The following STK31 variants were observed in gnomAD, a reference collection of about 807,000 sequenced individuals.
STK31 encodes serine/threonine-protein kinase 31.
STK31 carries 89 observed loss-of-function variants against 129.7 expected under a neutral mutation model. That is an observed-to-expected ratio of 0.69 (90% CI 0.58 to 0.82). The LOEUF is 0.82. STK31 is among the 40% of genes least tolerant of loss of function. The pLI is 0.00. For synonymous variants in STK31, 448 were observed against 395.3 expected, an observed-to-expected ratio of 1.13 and a Z score of -1.58; for missense variants, 1,187 against 1,176.4, an observed-to-expected ratio of 1.01 and a Z score of -0.13.
intron 15 of STK31, among the ~76,000 whole-genome samples, chr7:23,780,070 G>T (rs944476261): frequency 6.6e-6 from 1 of 152,154 alleles, no homozygotes; most frequent in Non-Finnish European, 1.5e-5. Context: ...GTCCCTCATG[G>T]CTTCCCTTGG....
At chr7:23,824,804 T>C (rs182074829) in intron 23 of STK31, among the ~76,000 whole-genome samples, 3,738 of 151,440 alleles carry the variant, frequency 0.025, 87 homozygotes, top group African/African-American at 0.061. Flanking sequence ...GTCTTTAGCA[T>C]GAAGCGTTGT....
At chr7:23,727,369 T>C (rs886424877) in intron 5 of STK31, 54 bp downstream of exon 5, 15 of 1,540,444 alleles carry the variant, frequency 9.7e-6, no homozygotes, top group Middle Eastern at 1.7e-4. Flanking sequence ...TTATTGTGGT[T>C]CAAAAATTTG....
At chr7:23,745,948 G>A (rs1322416853) in intron 8 of STK31, among the ~76,000 whole-genome samples, 2 of 152,242 alleles carry the variant, frequency 1.3e-5, no homozygotes, top group African/African-American at 4.8e-5. Flanking sequence ...CCATCAAGAT[G>A]TATGGCTGTT....
At chr7:23,816,910 G>A (rs1179597336) in intron 23 of STK31, among the ~76,000 whole-genome samples, 1 of 152,156 alleles carries the variant, frequency 6.6e-6, no homozygotes, top group African/African-American at 2.4e-5. Flanking sequence ...ATCTGGCCAG[G>A]CATGGTGGCT....
chr7:23,798,668 G>C (rs1278643369), intron 22 of STK31, among the ~76,000 whole-genome samples: 1 of 152,162 alleles, frequency 6.6e-6, no homozygotes, highest in Non-Finnish European at 1.5e-5. Flanking sequence ...AAAACTGGAA[G>C]CATTCCCTTG....
chr7:23,745,529 A>G lies in STK31; in HGVS notation c.1018-7188A>G, dbSNP rs111325858. Among the ~76,000 whole-genome samples the G allele has an allele frequency of 6.0e-3, 917 of 152,316 alleles. 1 individual carries two copies. Among genetic ancestry groups the G allele is most frequent in the South Asian group, 0.024 (117 of 4,832 alleles). On this transcript the variant is annotated intron_variant, in intron 8 of 23. Transcript: ENST00000355870. ...GGCAGTTTGCAAGGGCAGCAGCTGC[A>G]GGTGGGAAAGTTTGTCCTTTGGGTG...
intron 22 of STK31, among the ~76,000 whole-genome samples, chr7:23,791,994 G>C (rs1236856383): frequency 2.6e-5 from 4 of 152,184 alleles, no homozygotes; most frequent in Admixed American, 2.6e-4. Flanking sequence ...TAGTATGCAT[G>C]TGCATGAAAT....
intron 8 of STK31, among the ~76,000 whole-genome samples, chr7:23,738,039 A>T (rs114780508): frequency 1.5e-3 from 221 of 152,322 alleles, no homozygotes; most frequent in African/African-American, 5.0e-3. Context: ...ACTCAGTTCC[A>T]TAAAGCTGCC....
chr7:23,806,935 A>C (rs1792752235), intron 22 of STK31, among the ~76,000 whole-genome samples: 1 of 149,706 alleles, frequency 6.7e-6, no homozygotes, highest in African/African-American at 2.5e-5. Flanking sequence ...GAGATACAGG[A>C]TGGACGGACT....
chr7:23,758,601 G>A (rs986388856), intron 10 of STK31, among the ~76,000 whole-genome samples: 5 of 152,010 alleles, frequency 3.3e-5, no homozygotes, highest in Admixed American at 2.0e-4. Context: ...TCTGATGTGG[G>A]TATTTAGTGC....
intron 12 of STK31, 73 bp from the exon 13 acceptor site, chr7:23,769,567 T>G (rs1790055288): frequency 1.9e-6 from 2 of 1,026,222 alleles, no homozygotes; most frequent in Admixed American, 1.8e-5. Context: ...AATACTCTGC[T>G]TCAGGTATTA....
chr7:23,769,852 T>G (rs1307190468), intron 13 of STK31, 96 bp downstream of exon 13: 4 of 772,924 alleles, frequency 5.2e-6, no homozygotes, highest in Non-Finnish European at 8.3e-6. Context: ...TTTTTCTTGC[T>G]AGTTAGAAAG....
chr7:23,785,609 T>C lies in STK31; in HGVS notation c.2274+6T>C, dbSNP rs1791225288. 1 of 1,608,324 alleles carries C rather than the reference T, an allele frequency of 6.2e-7. No homozygotes were observed. The highest frequency in any genetic ancestry group is 8.5e-7 in the Non-Finnish European group (1 of 1,176,044). On this transcript the variant is annotated splice_donor_region_variant and intron_variant, in intron 18 of 23. Coordinates refer to ENST00000355870, the MANE Select transcript of STK31 (RefSeq NM_031414.5). ...GGCAGATAATTCTGTTAAAGGTAAGTCTAACTTCTTCTTACTTGTGGGAGA... is the reference window on the plus strand; with the variant it reads ...GGCAGATAATTCTGTTAAAGGTAAGCCTAACTTCTTCTTACTTGTGGGAGA...
intron 8 of STK31, among the ~76,000 whole-genome samples, chr7:23,750,598 A>G (rs1375305715): frequency 6.6e-6 from 1 of 152,198 alleles, no homozygotes; most frequent in Non-Finnish European, 1.5e-5. Context: ...TTTACAAACC[A>G]CAAATTTTGA....
chr7:23,757,317 C>T (rs1371105697), intron 10 of STK31, among the ~76,000 whole-genome samples: 1 of 152,004 alleles, frequency 6.6e-6, no homozygotes, highest in African/African-American at 2.4e-5. Context: ...GAAAAGTGGG[C>T]CCAAGGGACC....
At chr7:23,717,680 A>C in intron 4 of STK31, 101 bp downstream of exon 4, 2 of 910,442 alleles carry the variant, frequency 2.2e-6, no homozygotes, top group Non-Finnish European at 3.3e-6. Context: ...TGAAAAGAAG[A>C]GGCTGATTTT....
At chr7:23,787,611 G>A (rs1039181357) in intron 20 of STK31, among the ~76,000 whole-genome samples, 2 of 152,078 alleles carry the variant, frequency 1.3e-5, no homozygotes, top group Non-Finnish European at 2.9e-5. Flanking sequence ...GATCTAGGTT[G>A]CGCACTCCTT....
chr7:23,794,021 G>T (rs141949023), intron 22 of STK31, among the ~76,000 whole-genome samples: 196 of 152,324 alleles, frequency 1.3e-3, no homozygotes, highest in South Asian at 9.3e-3. Flanking sequence ...TGCTATGTAT[G>T]TGTCTATCCA....
chr7:23,710,191 G>C, upstream of STK31: 1 of 1,600,702 alleles, frequency 6.2e-7, no homozygotes, highest in Non-Finnish European at 8.5e-7. Flanking sequence ...GCGCAGCGCT[G>C]TGCACGCAGG....
Sources: allele counts gnomAD v4.1 joint callset (sites outside exome capture counted in the v4.1 genomes callset), GRCh38; gene constraint gnomAD v4.1.1; transcripts MANE v1.5; gene names NCBI Gene and HGNC (gene_info 2026-07-23, HGNC 2026-07-21).